SLC12A8: variants seen among roughly 807,000 people sequenced by gnomAD.
SLC12A8 encodes the protein cation-chloride cotransporter 9.
A neutral mutation model predicts 75.6 loss-of-function variants in SLC12A8; 69 were observed. That is an observed-to-expected ratio of 0.91 (90% CI 0.75 to 1.11). The LOEUF (loss-of-function observed/expected upper bound fraction) is 1.11. Ranked by LOEUF, SLC12A8 falls within the 50% of genes most tolerant of loss-of-function variation. The pLI, the probability that SLC12A8 is intolerant of heterozygous loss-of-function variation, is 0.00. For synonymous variants in SLC12A8, 365 were observed against 372.8 expected (o/e 0.98, Z 0.24); for missense variants, 877 against 896.7 (o/e 0.98, Z 0.28).
intron 2 of SLC12A8, among the ~76,000 whole-genome samples, chr3:125,202,161 C>T (rs1393350534): frequency 3.3e-5 from 5 of 152,338 alleles, no homozygotes; most frequent in East Asian, 3.9e-4. Flanking sequence ...CTGCTCACCT[C>T]GGCCTCCCAA....
At chr3:125,128,884 A>G (rs956022170) in intron 6 of SLC12A8, among the ~76,000 whole-genome samples, 1 of 152,188 alleles carries the variant, frequency 6.6e-6, no homozygotes, top group Admixed American at 6.5e-5. Flanking sequence ...GGTGAGCACT[A>G]ACAGCCGGGC....
Position 125,107,926 on chromosome 3 carries a change from G to C in SLC12A8, c.1260C>G (p.Leu420=). Reference sequence around the variant, plus strand: ...AGTGGAGGCCTTCTGCGCCCTCCCTGAGCACCGGCTCAGGCACCGGGGTCA... The same window carrying C: ...AGTGGAGGCCTTCTGCGCCCTCCCTCAGCACCGGCTCAGGCACCGGGGTCA... ...CSLTPVPEPV[L]REGAEGLHCS... The change falls in exon 10 of 14, where the codon CTC becomes CTG. Residue 420 remains leucine, a synonymous_variant. Transcript: ENST00000469902. The C allele has an allele frequency of 6.2e-7, 1 of 1,614,164 alleles. No individual in the cohort carries two copies. Among genetic ancestry groups the C allele is most frequent in the East Asian group, 2.2e-5 (1 of 44,886 alleles).
At position 125,187,225 on chromosome 3, in the gene SLC12A8, C is replaced by T. The variant is rs750824429; in HGVS notation, c.390+12G>A. On this transcript the variant is annotated intron_variant, in intron 4 of 13. Transcript: ENST00000469902. ...GGCCAGGCAGGGGAAGCATCCCGGGCGCAGGCCTCACCTGTCCAAACACAT... is the reference window on the plus strand; with the variant it reads ...GGCCAGGCAGGGGAAGCATCCCGGGTGCAGGCCTCACCTGTCCAAACACAT... The T allele has an allele frequency of 5.6e-6, 9 of 1,609,422 alleles. No individual in the cohort carries two copies. Among genetic ancestry groups the T allele is most frequent in the South Asian group, 1.1e-5 (1 of 91,012 alleles).
chr3:125,190,322 GC>G, intron 3 of SLC12A8, 52 bp downstream of exon 3: 1 of 1,599,018 alleles, frequency 6.3e-7, no homozygotes, highest in Non-Finnish European at 8.5e-7. Flanking sequence ...GAGTGGCAGA[GC>G]TTTCCTGTCT....
chr3:125,118,778 T>C lies in SLC12A8; in HGVS notation c.903A>G (p.Ile301Met), dbSNP rs369148747. 95 of 1,613,362 alleles carry C rather than the reference T, an allele frequency of 5.9e-5. No individual in the cohort carries two copies. The African/African-American group carries it at 1.1e-3, about 18-fold the overall frequency. The part of the protein sequence containing the change: ...TREALRYDFL[I>M]AEKVSLMGFL... ...CGCAGGCCTCACTCACCTTTTCCGC[T>C]ATCAGGAAGTCATAGCGAAGGGCCT... The change falls in exon 8 of 14, where the codon ATA becomes ATG. Residue 301 changes from isoleucine to methionine, a missense_variant. By Grantham distance (10) the Ile-to-Met change is conservative. Coordinates refer to ENST00000469902, the MANE Select transcript of SLC12A8 (RefSeq NM_024628.6).
chr3:125,176,757 A>C (rs556708922), intron 5 of SLC12A8, among the ~76,000 whole-genome samples: 1 of 148,868 alleles, frequency 6.7e-6, no homozygotes, highest in South Asian at 2.2e-4. Context: ...GAGAAATGCA[A>C]ATCAAAACCA....
intron 6 of SLC12A8, among the ~76,000 whole-genome samples, chr3:125,128,646 A>G (rs1427755690): frequency 6.6e-6 from 1 of 152,128 alleles, no homozygotes; most frequent in Non-Finnish European, 1.5e-5. Flanking sequence ...CACCCAGCCA[A>G]AGCTTCCTTC....
intron 6 of SLC12A8, among the ~76,000 whole-genome samples, chr3:125,123,842 T>C (rs960205768): frequency 1.3e-5 from 2 of 152,190 alleles, no homozygotes; most frequent in Non-Finnish European, 2.9e-5. Context: ...CTCGCCATTG[T>C]TGTACCTCCT....
At chr3:125,126,634 T>C (rs580492) in intron 6 of SLC12A8, among the ~76,000 whole-genome samples, 146,670 of 152,268 alleles carry the variant, frequency 0.96, 70,852 homozygotes, top group East Asian at 1. Flanking sequence ...GAAAAGAAAA[T>C]CCCAACAGTT....
intron 10 of SLC12A8, among the ~76,000 whole-genome samples, chr3:125,107,225 C>T (rs899592527): frequency 2.0e-5 from 3 of 152,148 alleles, no homozygotes; most frequent in Admixed American, 2.0e-4. Flanking sequence ...GAGATTGATA[C>T]CCAATTACTA....
At position 125,082,997 on chromosome 3, in the gene SLC12A8, G is replaced by A. The variant is rs1214482670; in HGVS notation, c.*893C>T. On this transcript the variant is annotated 3_prime_UTR_variant, in exon 14 of 14. Coordinates refer to ENST00000469902, the MANE Select transcript of SLC12A8 (RefSeq NM_024628.6). ...TAACGTGCTAACTTTTGTGTATAAA[G>A]AGAGAATGTGAGACTCTACATTCCC... 3 of 152,186 alleles carry A rather than the reference G, an allele frequency of 2.0e-5. No individual in the cohort carries two copies. The highest frequency in any genetic ancestry group is 7.2e-5 in the African/African-American group (3 of 41,430). The allele number at this position is 152,186 out of a possible 1,614,324, so 9.4% of individuals were successfully genotyped here. A position where few individuals can be genotyped will look rare whatever the true frequency, so the allele number is the denominator to read the frequency against.
At chr3:125,137,667 C>G (rs1358823088) in intron 5 of SLC12A8, among the ~76,000 whole-genome samples, 2 of 152,226 alleles carry the variant, frequency 1.3e-5, no homozygotes, top group Admixed American at 6.5e-5. Context: ...GGCCCTGACA[C>G]AGGGGAATAT....
chr3:125,109,904 T>C (rs968159868), intron 9 of SLC12A8, among the ~76,000 whole-genome samples: 1 of 152,224 alleles, frequency 6.6e-6, no homozygotes, highest in African/African-American at 2.4e-5. Context: ...ATTTTCATGC[T>C]GCTCAGGGTC....
intron 2 of SLC12A8, among the ~76,000 whole-genome samples, chr3:125,202,110 A>G (rs1395868754): frequency 1.3e-5 from 2 of 152,166 alleles, no homozygotes; most frequent in African/African-American, 2.4e-5. Context: ...GTGTTTCACC[A>G]TGGTGGCCAG....
intron 2 of SLC12A8, among the ~76,000 whole-genome samples, chr3:125,202,381 G>C (rs1935140679): frequency 6.6e-6 from 1 of 152,222 alleles, no homozygotes; most frequent in Admixed American, 6.5e-5. Flanking sequence ...GGAAGCCAGG[G>C]TGTTCAATCA....
intron 5 of SLC12A8, chr3:125,151,074 A>C (rs1933909050): frequency 1.3e-5 from 2 of 152,232 alleles, no homozygotes; most frequent in African/African-American, 4.8e-5. Flanking sequence ...TCACTATACC[A>C]GACCATTATC....
chr3:125,130,221 G>A (rs537254415), intron 6 of SLC12A8, among the ~76,000 whole-genome samples: 29 of 152,256 alleles, frequency 1.9e-4, no homozygotes, highest in South Asian at 2.1e-4. Flanking sequence ...CTTTTTCAGC[G>A]GAAGGACAAC....
chr3:125,116,774 G>C (rs1939321432), intron 8 of SLC12A8, among the ~76,000 whole-genome samples: 1 of 152,214 alleles, frequency 6.6e-6, no homozygotes, highest in Non-Finnish European at 1.5e-5. Flanking sequence ...GAAGCAGGCA[G>C]AGCTGGTCAG....
chr3:125,139,579 G>A (rs965440009), intron 5 of SLC12A8, among the ~76,000 whole-genome samples: 5 of 152,178 alleles, frequency 3.3e-5, no homozygotes, highest in Non-Finnish European at 5.9e-5. Flanking sequence ...TGGGGCCTGG[G>A]TCTCTTTCCC....
Sources: gnomAD v4.1 joint callset for allele counts (sites outside exome capture counted in the v4.1 genomes callset) on GRCh38, gnomAD v4.1.1 for gene constraint, MANE v1.5 for transcripts, NCBI Gene and HGNC (gene_info 2026-07-23, HGNC 2026-07-21) for gene names.